The following DAGLA variants were observed in gnomAD, a reference collection of about 807,000 sequenced individuals.
DAGLA encodes diacylglycerol lipase-alpha.
In DAGLA, 22 loss-of-function variants were observed where a neutral mutation model predicts 102.6. The ratio of observed to expected loss-of-function variants is 0.21; its 90% CI spans 0.15 to 0.31. DAGLA has a LOEUF of 0.31. Ranked by LOEUF, DAGLA falls within the 10% of genes least tolerant of loss-of-function variation. DAGLA has a pLI of 1.00. For synonymous variants in DAGLA, 578 were observed against 628.9 expected (o/e 0.92, Z 1.21); for missense variants, 927 against 1,446.6 (o/e 0.64, Z 5.83).
chr11:61,705,514 G>A (rs1281499629), intron 1 of DAGLA, among the ~76,000 whole-genome samples: 3 of 152,178 alleles, frequency 2.0e-5, no homozygotes, highest in African/African-American at 7.2e-5. Flanking sequence ...GCTCTCTCCT[G>A]TGGTTGCTTC....
chr11:61,744,025 C>G lies in DAGLA; in HGVS notation c.2665C>G (p.Pro889Ala), dbSNP rs756664114. The change falls in exon 20 of 20, where the codon CCG becomes GCG. Residue 889 changes from proline (P) to alanine (A), a missense_variant. Physicochemically the swap from Pro to Ala is conservative, Grantham distance 27. This residue lies in a region of DAGLA where 434 missense variants were observed against 503.3 expected (regional missense o/e 0.86). Transcript: ENST00000257215. ...EEEVGGGGGG[P>A]ASRGELALHN... Reference sequence around the variant, plus strand: ...AGAGGTTGGCGGTGGGGGTGGCGGGCCGGCCTCCCGCGGGGAGCTGGCGCT... The same window carrying G: ...AGAGGTTGGCGGTGGGGGTGGCGGGGCGGCCTCCCGCGGGGAGCTGGCGCT... 1 of 1,612,042 alleles carries G rather than the reference C, an allele frequency of 6.2e-7. No homozygotes were observed. The highest frequency in any genetic ancestry group is 8.5e-7 in the Non-Finnish European group (1 of 1,179,674).
intron 1 of DAGLA, among the ~76,000 whole-genome samples, chr11:61,697,670 T>G (rs921529902): frequency 6.6e-6 from 1 of 152,138 alleles, no homozygotes; most frequent in Admixed American, 6.5e-5. Flanking sequence ...TCTCCTGTTT[T>G]TTTTTATTTT....
intron 1 of DAGLA, 43 bp from the exon 2 acceptor site, chr11:61,720,069 T>C: frequency 1.4e-6 from 2 of 1,440,472 alleles, no homozygotes; most frequent in South Asian, 2.3e-5. Flanking sequence ...CCTGGGTGCC[T>C]TCACCTCCTC....
chr11:61,732,100 G>A (rs1167188165), intron 9 of DAGLA, among the ~76,000 whole-genome samples: 2 of 152,294 alleles, frequency 1.3e-5, no homozygotes, highest in African/African-American at 4.8e-5. Context: ...AGAGAAGGGC[G>A]CCTGCTCCAG....
At chr11:61,703,240 G>T (rs971694876) in intron 1 of DAGLA, among the ~76,000 whole-genome samples, 3 of 152,352 alleles carry the variant, frequency 2.0e-5, no homozygotes, top group Non-Finnish European at 2.9e-5. Flanking sequence ...CCCCTCCCCT[G>T]AGAAGCCACA....
chr11:61,716,254 T>C (rs1406699080), intron 1 of DAGLA, among the ~76,000 whole-genome samples: 3 of 151,984 alleles, frequency 2.0e-5, no homozygotes, highest in African/African-American at 7.3e-5. Context: ...AGGTTAACCG[T>C]AACACAGTGT....
chr11:61,709,009 C>T (rs2065172938), intron 1 of DAGLA, among the ~76,000 whole-genome samples: 1 of 152,312 alleles, frequency 6.6e-6, no homozygotes, highest in Admixed American at 6.5e-5. Flanking sequence ...GGTCTCTAAG[C>T]TTCTGGGTCA....
At position 61,743,886 on chromosome 11, in the gene DAGLA, G is replaced by GGCT. The variant is rs1341344189; in HGVS notation, c.2528_2529insTGC (p.Ala843dup). Reference sequence around the variant, plus strand: ...TGAGCTCGCGCACTGAGCTGCTGGCGGCCGACAGCCTGTCCAAGCACTCAC... The same window carrying GGCT: ...TGAGCTCGCGCACTGAGCTGCTGGCGGCTGCCGACAGCCTGTCCAAGCACTCAC... On this transcript the variant is annotated inframe_insertion, in exon 20 of 20. Transcript: ENST00000257215. The GGCT allele has an allele frequency of 1.9e-6, 3 of 1,612,244 alleles. No individual in the cohort carries two copies. The highest frequency in any genetic ancestry group is 2.5e-6 in the Non-Finnish European group (3 of 1,179,880).
intron 1 of DAGLA, among the ~76,000 whole-genome samples, chr11:61,715,737 A>G (rs1184545640): frequency 1.3e-5 from 2 of 152,222 alleles, no homozygotes; most frequent in African/African-American, 4.8e-5. Context: ...GTCACAGGTC[A>G]CATCACAGGA....
chr11:61,728,909 T>C, intron 7 of DAGLA, 22 bp from the exon 8 acceptor site: 2 of 1,612,490 alleles, frequency 1.2e-6, no homozygotes, highest in East Asian at 4.5e-5. Context: ...TGATTGTCCT[T>C]CTTCACCTGC....
chr11:61,708,882 C>T (rs1350165638), intron 1 of DAGLA, among the ~76,000 whole-genome samples: 1 of 152,176 alleles, frequency 6.6e-6, no homozygotes, highest in African/African-American at 2.4e-5. Flanking sequence ...GCAGCAGGGG[C>T]CTTCTGAGCC....
Position 61,720,666 on chromosome 11 carries a change from G to A in DAGLA, c.96-13G>A, listed in dbSNP as rs369098913. The A allele has an allele frequency of 8.7e-6, 14 of 1,612,796 alleles. No homozygotes were observed. Among genetic ancestry groups the A allele is most frequent in the African/African-American group, 6.7e-5 (5 of 75,020 alleles). The stretch of plus-strand genomic sequence containing the variant: ...GCCACCTGGCCTTGCTCACACGGGC[G>A]TTCCTGTGACAGGTTTGTGATCCTG... On this transcript the variant is annotated splice_polypyrimidine_tract_variant and intron_variant, in intron 2 of 19. Coordinates refer to ENST00000257215, the MANE Select transcript of DAGLA (RefSeq NM_006133.3).
chr11:61,746,259 A>G lies in DAGLA; in HGVS notation c.*1770A>G, dbSNP rs564500878. On this transcript the variant is annotated 3_prime_UTR_variant, in exon 20 of 20. Coordinates refer to ENST00000257215, the MANE Select transcript of DAGLA (RefSeq NM_006133.3). Reference sequence around the variant, plus strand: ...TCCCGCCTTCACCAGACTCAAGGACACCCTGGCCCTGCTGAGGCATACAGA... The same window carrying G: ...TCCCGCCTTCACCAGACTCAAGGACGCCCTGGCCCTGCTGAGGCATACAGA... 2.4e-4 allele frequency: 37 copies of G among 152,462 alleles called. No homozygotes were observed. Among genetic ancestry groups the G allele is most frequent in the African/African-American group, 7.7e-4 (32 of 41,538 alleles). The allele number at this position is 152,462 out of a possible 1,614,324, so 9.4% of individuals were successfully genotyped here.
intron 1 of DAGLA, among the ~76,000 whole-genome samples, chr11:61,707,404 G>A (rs2065158657): frequency 6.6e-6 from 1 of 152,232 alleles, no homozygotes; most frequent in South Asian, 2.1e-4. Context: ...ACTTGTCAGG[G>A]GCCTGATGGG....
intron 6 of DAGLA, among the ~76,000 whole-genome samples, chr11:61,726,904 C>T (rs1565259147): frequency 1.3e-5 from 2 of 152,206 alleles, no homozygotes; most frequent in Non-Finnish European, 2.9e-5. Context: ...CCCTGGTGGG[C>T]GGGGAGCACC....
At position 61,744,484 on chromosome 11, in the gene DAGLA, C is replaced by T. The variant is rs764510548; in HGVS notation, c.3124C>T (p.Arg1042Cys). ...AKQDELVISA[R>C] ...GCAAGATGAGCTGGTCATCTCAGCA[C>T]GCTAGCACCCCAGTTGCGTGGCCAG... Residue 1042 changes from arginine (R) to cysteine (C), a missense_variant, in exon 20 of 20, where the codon CGC (arginine) becomes TGC (cysteine). Around this residue, in one of 4 missense-constraint regions of DAGLA, gnomAD observed 434 missense variants for 503.3 expected, o/e 0.86. Coordinates refer to ENST00000257215, the MANE Select transcript of DAGLA (RefSeq NM_006133.3). The T allele has an allele frequency of 1.3e-5, 20 of 1,555,800 alleles. No homozygotes were observed. The highest frequency in any genetic ancestry group is 5.4e-5 in the African/African-American group (4 of 73,470).
At chr11:61,706,575 C>T (rs978511150) in intron 1 of DAGLA, among the ~76,000 whole-genome samples, 1 of 152,176 alleles carries the variant, frequency 6.6e-6, no homozygotes, top group African/African-American at 2.4e-5. Context: ...GGGGGGTGCA[C>T]CCAGGAGGCC....
rs1344690163 is a variant in DAGLA, at chr11:61,744,443, GA to G, written c.3084del (p.Ala1029ProfsTer52). On this transcript the variant is annotated frameshift_variant, in exon 20 of 20. Transcript: ENST00000257215. LOFTEE classifies it high-confidence loss of function. ...KIRTSTPTGH[G>X]ASPAKQDELV... ...CGGACTTCTACCCCCACTGGCCACG[GA>G]GCCAGCCCCGCCAAGCAAGATGAGC... is the stretch of plus-strand genomic sequence containing the variant. 1 of 1,594,808 alleles carries G rather than the reference GA, an allele frequency of 6.3e-7. No individual in the cohort carries two copies. The highest frequency in any genetic ancestry group is 8.6e-7 in the Non-Finnish European group (1 of 1,168,222).
At chr11:61,704,309 G>A (rs1012294414) in intron 1 of DAGLA, among the ~76,000 whole-genome samples, 1 of 151,996 alleles carries the variant, frequency 6.6e-6, no homozygotes, top group Non-Finnish European at 1.5e-5. Flanking sequence ...TGATAGAGAC[G>A]GGGTTTCACC....
Sources: gnomAD v4.1 joint callset for allele counts (sites outside exome capture counted in the v4.1 genomes callset) on GRCh38, gnomAD v4.1.1 for gene constraint, gnomAD v4.1.1 regional missense constraint, MANE v1.5 for transcripts, NCBI Gene and HGNC (gene_info 2026-07-23, HGNC 2026-07-21) for gene names.